Variants in SLC16A1 observed in about 807,000 individuals in gnomAD.
SLC16A1 encodes solute carrier family 16 member 1, also known as monocarboxylate transporter 1.
In SLC16A1, 11 loss-of-function variants were observed where a neutral mutation model predicts 32.2. The ratio of observed to expected loss-of-function variants is 0.34; its 90% CI spans 0.21 to 0.56. The LOEUF (loss-of-function observed/expected upper bound fraction) is 0.56. SLC16A1 is among the 20% of genes least tolerant of loss of function. The pLI, the probability that SLC16A1 is intolerant of heterozygous loss-of-function variation, is 0.87. For synonymous variants in SLC16A1, 231 were observed against 226.8 expected (o/e 1.02, Z -0.17); for missense variants, 435 against 615.0 (o/e 0.71, Z 3.10).
chr1:112,914,085 G>C lies in SLC16A1; in HGVS notation c.1309C>G (p.Leu437Val). The C allele has an allele frequency of 3.1e-6, 5 of 1,614,198 alleles. No homozygotes were observed. The highest frequency in any genetic ancestry group is 4.2e-6 in the Non-Finnish European group (5 of 1,180,020). The change falls in exon 5 of 5, where the codon CTC becomes GTC. Residue 437 changes from leucine to valine, a missense_variant. This residue lies in a region of SLC16A1 where 111 missense variants were observed against 114.7 expected (regional missense o/e 0.97). Coordinates refer to ENST00000369626, the MANE Select transcript of SLC16A1 (RefSeq NM_003051.4). ...GVVLIISGIY[L>V]FIGMGINYRL... ...TAATTGATGCCCATGCCAATGAAGA[G>C]ATAGATACCTGAAATAATTAGGACG...
At chr1:112,922,850 T>C (rs1223647701) in intron 2 of SLC16A1, among the ~76,000 whole-genome samples, 1 of 152,204 alleles carries the variant, frequency 6.6e-6, no homozygotes, top group African/African-American at 2.4e-5. Context: ...CACGCAGTGA[T>C]AGGAGACGTA....
At chr1:112,933,388 G>A (rs745603886) in intron 1 of SLC16A1, among the ~76,000 whole-genome samples, 17 of 151,436 alleles carry the variant, frequency 1.1e-4, no homozygotes, top group East Asian at 7.8e-4. Context: ...CCCGGGAGGC[G>A]GAGGTTGCAG....
intron 1 of SLC16A1, among the ~76,000 whole-genome samples, chr1:112,933,677 T>C (rs751918938): frequency 1.2e-4 from 19 of 152,148 alleles, no homozygotes; most frequent in Non-Finnish European, 2.4e-4. Flanking sequence ...TCGTTGGTTA[T>C]TTAAAAATGC....
intron 4 of SLC16A1, among the ~76,000 whole-genome samples, chr1:112,915,734 A>G (rs1225062549): frequency 1.3e-5 from 2 of 150,090 alleles, no homozygotes; most frequent in African/African-American, 2.5e-5. Context: ...TTTAGAGCAT[A>G]AAAACTCATA....
At chr1:112,940,467 A>G (rs543339488) in intron 1 of SLC16A1, among the ~76,000 whole-genome samples, 1 of 152,176 alleles carries the variant, frequency 6.6e-6, no homozygotes, top group Non-Finnish European at 1.5e-5. Context: ...CATTAATTCA[A>G]TTTGATCACA....
At chr1:112,940,337 G>A (rs1233864893) in intron 1 of SLC16A1, among the ~76,000 whole-genome samples, 5 of 152,178 alleles carry the variant, frequency 3.3e-5, no homozygotes, top group Admixed American at 6.6e-5. Context: ...GTCACGGCCC[G>A]GCTGATAGTT....
At chr1:112,933,667 T>C (rs181241578) in intron 1 of SLC16A1, among the ~76,000 whole-genome samples, 42 of 152,222 alleles carry the variant, frequency 2.8e-4, no homozygotes, top group African/African-American at 9.9e-4. Context: ...ATGCTGAATG[T>C]CGTTGGTTAT....
chr1:112,922,065 A>C lies in SLC16A1; in HGVS notation c.286T>G (p.Ser96Ala). ...GAAGCTGCAATCAAGCCACAGCCTG[A>C]CAAGCAGCCACCAACAATCATGACT... is the stretch of plus-strand genomic sequence containing the variant. The part of the protein sequence containing the change: ...RIVMIVGGCL[S>A]GCGLIAASFC... Residue 96 changes from serine to alanine, a missense_variant, in exon 3 of 5, where the codon TCA becomes GCA. Coordinates refer to ENST00000369626, the MANE Select transcript of SLC16A1 (RefSeq NM_003051.4). The C allele has an allele frequency of 1.2e-6, 2 of 1,614,154 alleles. No individual in the cohort carries two copies. The highest frequency in any genetic ancestry group is 1.7e-6 in the Non-Finnish European group (2 of 1,180,010).
chr1:112,936,203 A>G (rs992566746), intron 1 of SLC16A1, among the ~76,000 whole-genome samples: 3 of 111,638 alleles, frequency 2.7e-5, no homozygotes, highest in African/African-American at 1.3e-4. Flanking sequence ...TTTTTATAAT[A>G]ATAATTCTAA....
chr1:112,926,184 G>T (rs907433858), intron 2 of SLC16A1, among the ~76,000 whole-genome samples: 3 of 152,180 alleles, frequency 2.0e-5, no homozygotes, highest in Non-Finnish European at 4.4e-5. Context: ...CATCCATATA[G>T]ATATAGATGT....
chr1:112,955,735 A>C (rs1373447142), intron 1 of SLC16A1: 1 of 152,080 alleles, frequency 6.6e-6, no homozygotes, highest in South Asian at 2.1e-4. Context: ...GGGGGAAGGG[A>C]CTTCCCCACC....
At chr1:112,926,765 T>C (rs1309946022) in intron 2 of SLC16A1, among the ~76,000 whole-genome samples, 2 of 151,660 alleles carry the variant, frequency 1.3e-5, no homozygotes, top group Admixed American at 1.3e-4. Context: ...TCCTAGCTAC[T>C]TGGCAGGGTG....
chr1:112,918,329 C>A (rs1195836635), intron 3 of SLC16A1, among the ~76,000 whole-genome samples: 2 of 152,138 alleles, frequency 1.3e-5, no homozygotes, highest in African/African-American at 4.8e-5. Context: ...TTGTTAAGCA[C>A]TTAGTACCCA....
intron 1 of SLC16A1, among the ~76,000 whole-genome samples, chr1:112,931,884 C>T (rs2101636086): frequency 6.6e-6 from 1 of 152,124 alleles, no homozygotes; most frequent in African/African-American, 2.4e-5. Flanking sequence ...ACAACTTATC[C>T]TGTATGTTAG....
chr1:112,951,542 T>A lies in SLC16A1; in HGVS notation c.-45+4493A>T, dbSNP rs533615751. 1.4e-4 allele frequency among the ~76,000 whole-genome samples: 22 copies of A among 152,280 alleles called. No individual in the cohort carries two copies. In the South Asian group the frequency reaches 4.4e-3, roughly 30 times the overall value. On this transcript the variant is annotated intron_variant, in intron 1 of 4. Coordinates refer to ENST00000369626, the MANE Select transcript of SLC16A1 (RefSeq NM_003051.4). ...TCCTTGAGGAACTTACAATCTGGAA[T>A]CCTTTTATAGCTAAAGATTTGGATT... is the stretch of plus-strand genomic sequence containing the variant.
At chr1:112,941,109 G>A (rs1204716894) in intron 1 of SLC16A1, among the ~76,000 whole-genome samples, 4 of 151,920 alleles carry the variant, frequency 2.6e-5, no homozygotes, top group Non-Finnish European at 5.9e-5. Flanking sequence ...CTGGGTGATG[G>A]GTTCAATTGT....
chr1:112,928,913 T>C (rs925879228), intron 2 of SLC16A1, 179 bp downstream of exon 2: 57 of 616,132 alleles, frequency 9.3e-5, no homozygotes, highest in African/African-American at 7.6e-4. Flanking sequence ...CAGTATACTA[T>C]AGCAAGAGTT....
In SLC16A1 at chr1:112,914,012, C is replaced by T. The variant is rs1648414892; in HGVS notation, c.1382G>A (p.Ser461Asn). The change falls in exon 5 of 5, where the codon AGT (serine) becomes AAT (asparagine). Residue 461 changes from serine to asparagine, a missense_variant. By Grantham distance (46) the Ser-to-Asn change is conservative. Transcript: ENST00000369626. ...ATCTATACTGGTCTCTTCCTCTTTA[C>T]TTTCCTTTTTCTGCTCGTTTGCTTT... ...EQKANEQKKE[S>N]KEEETSIDVA... is the part of the protein sequence containing the mutation. 6.2e-7 allele frequency: 1 copy of T among 1,614,036 alleles called. No homozygotes were observed. The highest frequency in any genetic ancestry group is 1.7e-5 in the Admixed American group (1 of 59,988).
intron 3 of SLC16A1, among the ~76,000 whole-genome samples, chr1:112,920,538 G>A (rs1370477367): frequency 2.0e-5 from 3 of 152,076 alleles, no homozygotes; most frequent in Non-Finnish European, 2.9e-5. Flanking sequence ...CCCAGGAGGC[G>A]GAGATTGCAG....
Sources: gnomAD v4.1 joint callset for allele counts (sites outside exome capture counted in the v4.1 genomes callset) on GRCh38, gnomAD v4.1.1 for gene constraint, gnomAD v4.1.1 regional missense constraint, MANE v1.5 for transcripts, NCBI Gene and HGNC (gene_info 2026-07-23, HGNC 2026-07-21) for gene names.